Variants in ZNF521 observed in about 807,000 individuals in gnomAD.
ZNF521 encodes zinc finger protein 521, also known as LYST-interacting protein 3.
In ZNF521, 14 loss-of-function variants were observed where a neutral mutation model predicts 105.5. The observed-to-expected ratio is 0.13, with a 90% confidence interval of 0.09 to 0.21. The LOEUF (loss-of-function observed/expected upper bound fraction) is 0.21. ZNF521 is among the 10% of genes least tolerant of loss of function. The pLI, the probability that ZNF521 is intolerant of heterozygous loss-of-function variation, is 1.00. For synonymous variants in ZNF521, 635 were observed against 606.0 expected, an observed-to-expected ratio of 1.05 and a Z score of -0.70; for missense variants, 1,233 against 1,629.7, an observed-to-expected ratio of 0.76 and a Z score of 4.19.
At chr18:25,234,908 TATC>T (rs1274372919) in intron 3 of ZNF521, among the ~76,000 whole-genome samples, 2 of 152,098 alleles carry the variant, frequency 1.3e-5, no homozygotes, top group Non-Finnish European at 2.9e-5. Flanking sequence ...TAGACAATAT[TATC>T]ATTATAAAAT....
At chr18:25,145,549 G>A (rs2034927200) in intron 5 of ZNF521, among the ~76,000 whole-genome samples, 1 of 152,050 alleles carries the variant, frequency 6.6e-6, no homozygotes, top group African/African-American at 2.4e-5. Context: ...TGAGTGGTAG[G>A]AGTGCTCAAA....
At chr18:25,266,111 C>CTTAGTAT (rs1403302861) in intron 3 of ZNF521, among the ~76,000 whole-genome samples, 1 of 152,124 alleles carries the variant, frequency 6.6e-6, no homozygotes, top group Non-Finnish European at 1.5e-5. Context: ...ATGAATAAGA[C>CTTAGTAT]TTAGTATTTG....
chr18:25,322,658 C>A (rs1198851962), intron 2 of ZNF521, among the ~76,000 whole-genome samples: 1 of 151,836 alleles, frequency 6.6e-6, no homozygotes, highest in Non-Finnish European at 1.5e-5. Flanking sequence ...AGCCAATTAC[C>A]ATAGGCACAA....
At chr18:25,181,983 T>TAC (rs1243203223) in intron 5 of ZNF521, among the ~76,000 whole-genome samples, 2 of 152,222 alleles carry the variant, frequency 1.3e-5, no homozygotes, top group Non-Finnish European at 2.9e-5. Flanking sequence ...TGATATGGAA[T>TAC]ACATATGCTG....
At chr18:25,339,873 A>T (rs1914100704) in intron 2 of ZNF521, among the ~76,000 whole-genome samples, 1 of 152,204 alleles carries the variant, frequency 6.6e-6, no homozygotes, top group African/African-American at 2.4e-5. Flanking sequence ...AACAATATTC[A>T]AGCCTTTATC....
At chr18:25,251,269 C>T (rs1908100066) in intron 3 of ZNF521, among the ~76,000 whole-genome samples, 1 of 152,130 alleles carries the variant, frequency 6.6e-6, no homozygotes, top group South Asian at 2.1e-4. Context: ...TGCCAAACTG[C>T]CTGCTCTGCT....
intron 3 of ZNF521, among the ~76,000 whole-genome samples, chr18:25,296,853 T>C (rs1297933457): frequency 6.6e-6 from 1 of 152,138 alleles, no homozygotes; most frequent in South Asian, 2.1e-4. Flanking sequence ...AATATGCTCC[T>C]AAGAAACAGG....
intron 4 of ZNF521, among the ~76,000 whole-genome samples, chr18:25,217,173 T>G (rs1173188144): frequency 6.6e-6 from 1 of 152,206 alleles, no homozygotes; most frequent in African/African-American, 2.4e-5. Flanking sequence ...TGACTTCACT[T>G]AATTTACAGG....
intron 7 of ZNF521, among the ~76,000 whole-genome samples, chr18:25,074,188 G>A (rs746606226): frequency 6.6e-6 from 1 of 152,222 alleles, no homozygotes; most frequent in Non-Finnish European, 1.5e-5. Flanking sequence ...TGCTTCTACA[G>A]GTAAAATTCC....
At chr18:25,155,863 T>C (rs2035133833) in intron 5 of ZNF521, among the ~76,000 whole-genome samples, 1 of 152,158 alleles carries the variant, frequency 6.6e-6, no homozygotes, top group South Asian at 2.1e-4. Context: ...TTGTGCTAAA[T>C]GAAATAAGCC....
intron 4 of ZNF521, among the ~76,000 whole-genome samples, chr18:25,215,868 G>C (rs1007802721): frequency 2.0e-5 from 3 of 152,102 alleles, no homozygotes; most frequent in African/African-American, 7.2e-5. Context: ...TTGACTCCCT[G>C]TTCTATTACT....
chr18:25,094,539 C>G (rs8087627), intron 5 of ZNF521, among the ~76,000 whole-genome samples: 62,272 of 151,786 alleles, frequency 0.41, 13,111 homozygotes, highest in African/African-American at 0.49. Flanking sequence ...ATCACATCTA[C>G]CATTTTCAGA....
intron 5 of ZNF521, among the ~76,000 whole-genome samples, chr18:25,186,736 G>A (rs935353776): frequency 2.0e-5 from 3 of 151,960 alleles, no homozygotes; most frequent in African/African-American, 7.3e-5. Context: ...AATAACAGAT[G>A]TACTCTTAAA....
intron 3 of ZNF521, among the ~76,000 whole-genome samples, chr18:25,271,537 C>A (rs1332595773): frequency 6.6e-6 from 1 of 152,142 alleles, no homozygotes; most frequent in African/African-American, 2.4e-5. Flanking sequence ...GCTACAGTAA[C>A]CAAAGCAGCA....
Position 25,351,073 on chromosome 18 carries a change from C to T in ZNF521, c.-1-126G>A, listed in dbSNP as rs1914734109. On this transcript the variant is annotated intron_variant, in intron 1 of 7. Transcript: ENST00000361524. The stretch of plus-strand genomic sequence containing the variant: ...CTCGGCCTCCCTCGCGCCCTCGCTC[C>T]GCGCTCCGCTCCTCGCTCCGGCTCC... The T allele has an allele frequency of 7.5e-6, 4 of 533,482 alleles. No homozygotes were observed. The East Asian group carries it at 3.2e-4, about 43-fold the overall frequency. The allele number at this position is 533,482 out of a possible 1,614,324, so 33.0% of individuals were successfully genotyped here.
At chr18:25,291,956 A>C (rs1027473019) in intron 3 of ZNF521, among the ~76,000 whole-genome samples, 1 of 152,204 alleles carries the variant, frequency 6.6e-6, no homozygotes, top group South Asian at 2.1e-4. Context: ...TCATCTTTTT[A>C]ACTTCTTTTG....
intron 4 of ZNF521, among the ~76,000 whole-genome samples, chr18:25,200,412 G>C (rs1436465987): frequency 2.0e-5 from 3 of 148,590 alleles, no homozygotes; most frequent in Non-Finnish European, 1.5e-5. Context: ...TTTTTTTTTG[G>C]CCATGTTTCA....
At chr18:25,100,895 A>G (rs935119445) in intron 5 of ZNF521, among the ~76,000 whole-genome samples, 1 of 152,164 alleles carries the variant, frequency 6.6e-6, no homozygotes, top group Non-Finnish European at 1.5e-5. Flanking sequence ...AGTTTTATTT[A>G]GGAAGGTTCA....
At chr18:25,091,659 A>G (rs1416121695) in intron 6 of ZNF521, among the ~76,000 whole-genome samples, 3 of 151,584 alleles carry the variant, frequency 2.0e-5, no homozygotes, top group African/African-American at 7.3e-5. Flanking sequence ...CATCGAGAGA[A>G]AAAAAAAAGT....
Sources: gnomAD v4.1 joint callset for allele counts (sites outside exome capture counted in the v4.1 genomes callset) on GRCh38, gnomAD v4.1.1 for gene constraint, MANE v1.5 for transcripts, NCBI Gene and HGNC (gene_info 2026-07-23, HGNC 2026-07-21) for gene names.